Variants in PHF20L1 observed in about 807,000 individuals in gnomAD.
The protein encoded by PHF20L1 is PHD finger protein 20 like 1.
Under a neutral mutation model 125.5 loss-of-function variants are expected in PHF20L1, and 44 were observed. The ratio of observed to expected loss-of-function variants is 0.35; its 90% CI spans 0.28 to 0.45. The LOEUF is 0.45. Ranked by LOEUF, PHF20L1 falls within the 20% of genes least tolerant of loss-of-function variation. The probability of loss-of-function intolerance (pLI) is 1.00; values close to 1 mark genes in which losing one functional copy is unlikely to be tolerated. For synonymous variants in PHF20L1, 380 were observed against 403.1 expected (o/e 0.94, Z 0.69); for missense variants, 1,012 against 1,217.2 (o/e 0.83, Z 2.51).
rs560140440 is a variant in PHF20L1 at position 132,795,133 on chromosome 8, A to G, written c.340+316A>G. On this transcript the variant is annotated intron_variant, in intron 4 of 20. Transcript: ENST00000395386. ...TCTAGTTTGTGGCTAACTTATATTTATGAACATCTACCCAAGAGTGTGAGG... is the reference window on the plus strand; with the variant it reads ...TCTAGTTTGTGGCTAACTTATATTTGTGAACATCTACCCAAGAGTGTGAGG... Among the ~76,000 whole-genome samples, 28 of 152,272 alleles carry G rather than the reference A, an allele frequency of 1.8e-4. No homozygotes were observed. The South Asian group carries it at 5.8e-3, about 32-fold the overall frequency.
intron 12 of PHF20L1, among the ~76,000 whole-genome samples, chr8:132,821,616 G>A (rs138575025): frequency 1.1e-3 from 174 of 151,996 alleles, no homozygotes; most frequent in South Asian, 4.4e-3. Context: ...ACAGAGCCTG[G>A]GGTTTCTATG....
chr8:132,841,320 A>G (rs552330613), intron 18 of PHF20L1, among the ~76,000 whole-genome samples: 116 of 152,188 alleles, frequency 7.6e-4, no homozygotes, highest in Non-Finnish European at 1.2e-3. Flanking sequence ...AGGCTTCTCT[A>G]TGGCACAGCA....
chr8:132,823,867 T>C, intron 12 of PHF20L1, 137 bp from the exon 13 acceptor site: 1 of 539,688 alleles, frequency 1.9e-6, no homozygotes, highest in Non-Finnish European at 3.3e-6. Context: ...TGTTACCAGT[T>C]CAGGCAGTAA....
chr8:132,777,335 T>C (rs1369218137), intron 1 of PHF20L1, among the ~76,000 whole-genome samples: 1 of 152,150 alleles, frequency 6.6e-6, no homozygotes, highest in East Asian at 1.9e-4. Context: ...TGTTTTGTAT[T>C]ATGAGGCACT....
intron 2 of PHF20L1, among the ~76,000 whole-genome samples, chr8:132,790,421 A>T (rs1326861973): frequency 6.6e-6 from 1 of 152,184 alleles, no homozygotes; most frequent in East Asian, 1.9e-4. Context: ...TCGCAGTGTA[A>T]CTGGTAACCA....
At chr8:132,836,117 A>G (rs1169798772) in intron 15 of PHF20L1, among the ~76,000 whole-genome samples, 1 of 152,112 alleles carries the variant, frequency 6.6e-6, no homozygotes, top group Non-Finnish European at 1.5e-5. Context: ...GGGGCTTACT[A>G]CACACACCTG....
rs530465748 is a variant in PHF20L1, at chr8:132,795,212, A to G, written c.340+395A>G. 8.7e-4 allele frequency among the ~76,000 whole-genome samples: 132 copies of G among 152,276 alleles called. 1 individual carries two copies. Among genetic ancestry groups the G allele is most frequent in the Middle Eastern group, 3.4e-3 (1 of 294 alleles). On this transcript the variant is annotated intron_variant, in intron 4 of 20. Transcript: ENST00000395386. Reference sequence around the variant, plus strand: ...TCAGTTCAATTCACAAGTGAAATACATAGGATATTTTCTGAGGAAAGAGTA... The same window carrying G: ...TCAGTTCAATTCACAAGTGAAATACGTAGGATATTTTCTGAGGAAAGAGTA...
At chr8:132,825,983 G>A (rs959035921) in intron 14 of PHF20L1, among the ~76,000 whole-genome samples, 1 of 151,954 alleles carries the variant, frequency 6.6e-6, no homozygotes, top group Admixed American at 6.6e-5. Context: ...TAAATTTATG[G>A]TAATTTCTTA....
At chr8:132,779,965 T>A (rs1034408078) in intron 2 of PHF20L1, among the ~76,000 whole-genome samples, 4 of 152,178 alleles carry the variant, frequency 2.6e-5, no homozygotes, top group African/African-American at 9.7e-5. Context: ...TAGTTCTCTT[T>A]AATGGAAATA....
chr8:132,785,989 A>C (rs1337930146), intron 2 of PHF20L1, among the ~76,000 whole-genome samples: 1 of 152,124 alleles, frequency 6.6e-6, no homozygotes, highest in African/African-American at 2.4e-5. Context: ...AAAAGGATGA[A>C]TGAAGACAAA....
intron 15 of PHF20L1, among the ~76,000 whole-genome samples, chr8:132,835,364 A>G (rs555416096): frequency 2.0e-5 from 3 of 152,270 alleles, no homozygotes; most frequent in Non-Finnish European, 2.9e-5. Flanking sequence ...CTCACACAGC[A>G]TTATACGATG....
At chr8:132,798,525 T>TA (rs1240007219) in intron 4 of PHF20L1, among the ~76,000 whole-genome samples, 2 of 152,000 alleles carry the variant, frequency 1.3e-5, no homozygotes, top group Admixed American at 1.3e-4. Flanking sequence ...AATTTCTTAG[T>TA]AAAAATCAGA....
Position 132,775,565 on chromosome 8 carries a change from G to GAGGCCC in PHF20L1, c.-117_-112dup. 1 of 360,428 alleles carries GAGGCCC rather than the reference G, an allele frequency of 2.8e-6. No individual in the cohort carries two copies. Among genetic ancestry groups the GAGGCCC allele is most frequent in the South Asian group, 1.3e-4 (1 of 7,560 alleles). 22.3% of individuals were successfully genotyped at this position (360,428 alleles called of 1,614,324 possible). On this transcript the variant is annotated 5_prime_UTR_variant, in exon 1 of 21. Coordinates refer to ENST00000395386, the MANE Select transcript of PHF20L1 (RefSeq NM_016018.5). ...CGCTGCCTGGGCGGAGGCAGAGGCA[G>GAGGCCC]AGGCCCGGGCTGGCCGCCCTGCTCG... is the stretch of plus-strand genomic sequence containing the variant.
intron 13 of PHF20L1, 151 bp downstream of exon 13, chr8:132,824,211 T>G: frequency 4.2e-6 from 2 of 472,798 alleles, no homozygotes; most frequent in Non-Finnish European, 3.8e-6. Flanking sequence ...CAGCTCCAGA[T>G]ACATGATTTA....
chr8:132,781,011 A>G (rs1466138953), intron 2 of PHF20L1, among the ~76,000 whole-genome samples: 1 of 151,962 alleles, frequency 6.6e-6, no homozygotes, highest in Non-Finnish European at 1.5e-5. Flanking sequence ...GTCTGGGCTA[A>G]TTTAAAAAAA....
Sources: gnomAD v4.1 joint callset for allele counts (sites outside exome capture counted in the v4.1 genomes callset) on GRCh38, gnomAD v4.1.1 for gene constraint, MANE v1.5 for transcripts, NCBI Gene and HGNC (gene_info 2026-07-23, HGNC 2026-07-21) for gene names.